Variants in E2F1 observed in about 807,000 individuals in gnomAD.
E2F1 encodes E2F transcription factor 1.
E2F1 carries 7 observed loss-of-function variants against 36.9 expected under a neutral mutation model. That is an observed-to-expected ratio of 0.19 (90% CI 0.11 to 0.36). The LOEUF (loss-of-function observed/expected upper bound fraction) is 0.36. Ranked by LOEUF, E2F1 falls within the 10% of genes least tolerant of loss-of-function variation. The pLI, the probability that E2F1 is intolerant of heterozygous loss-of-function variation, is 1.00. For synonymous variants in E2F1, 261 were observed against 263.1 expected, an observed-to-expected ratio of 0.99 and a Z score of 0.08; for missense variants, 406 against 573.6, an observed-to-expected ratio of 0.71 and a Z score of 2.99.
At chr20:33,680,987 T>C (rs1376729534) in intron 1 of E2F1, among the ~76,000 whole-genome samples, 4 of 152,238 alleles carry the variant, frequency 2.6e-5, no homozygotes, top group Non-Finnish European at 5.9e-5. Context: ...AAGTCTTCCC[T>C]GAATTCCTGA....
chr20:33,684,056 C>T (rs1000518535), intron 1 of E2F1, among the ~76,000 whole-genome samples: 1 of 152,198 alleles, frequency 6.6e-6, no homozygotes, highest in Non-Finnish European at 1.5e-5. Context: ...CTTAAGTACA[C>T]TGGGGGCCAG....
At chr20:33,683,953 A>G (rs932886464) in intron 1 of E2F1, among the ~76,000 whole-genome samples, 6 of 152,328 alleles carry the variant, frequency 3.9e-5, no homozygotes, top group South Asian at 4.1e-4. Flanking sequence ...TATTTCAAGG[A>G]CTGTGCCAGA....
Position 33,680,476 on chromosome 20 carries a change from T to G in E2F1, c.262-60A>C, listed in dbSNP as rs2018007494. The G allele has an allele frequency of 6.6e-6, 10 of 1,504,334 alleles. No homozygotes were observed. In the South Asian group the frequency reaches 1.2e-4, roughly 17 times the overall value. 93.2% of individuals were successfully genotyped at this position (1,504,334 alleles called of 1,614,324 possible). A position where few individuals can be genotyped will look rare whatever the true frequency, so the allele number is the denominator to read the frequency against. The stretch of plus-strand genomic sequence containing the variant: ...GAGTGAGGCCAGAAGAGACCTGGCT[T>G]AAGGCTGGGTGCCTCTGGGCTACCC... On this transcript the variant is annotated intron_variant, in intron 1 of 6. Coordinates refer to ENST00000343380, the MANE Select transcript of E2F1 (RefSeq NM_005225.3).
In E2F1 at chr20:33,685,584, G is replaced by A. The variant is rs2087921873; in HGVS notation, c.261+420C>T. 2.0e-5 allele frequency among the ~76,000 whole-genome samples: 3 copies of A among 152,266 alleles called. No homozygotes were observed. The South Asian group carries it at 6.2e-4, about 32-fold the overall frequency. Reference sequence around the variant, plus strand: ...ACCACCTGCAGCCGTGTGACCAGGGGCAAGTCACTTTCCCTCTCTGGGCCT... The same window carrying A: ...ACCACCTGCAGCCGTGTGACCAGGGACAAGTCACTTTCCCTCTCTGGGCCT... On this transcript the variant is annotated intron_variant, in intron 1 of 6. Coordinates refer to ENST00000343380, the MANE Select transcript of E2F1 (RefSeq NM_005225.3).
rs961718558 is a variant in E2F1 at position 33,686,315 on chromosome 20, G to T, written c.-51C>A. On this transcript the variant is annotated 5_prime_UTR_variant, in exon 1 of 7. Transcript: ENST00000343380. Reference sequence around the variant, plus strand: ...GTGACAGGCGGCGGCGGCGGCGCGGGCCCATGGCGGCAGGCCTCGGCGAGG... The same window carrying T: ...GTGACAGGCGGCGGCGGCGGCGCGGTCCCATGGCGGCAGGCCTCGGCGAGG... 19 of 994,936 alleles carry T rather than the reference G, an allele frequency of 1.9e-5. No homozygotes were observed. Among genetic ancestry groups the T allele is most frequent in the Non-Finnish European group, 2.0e-5 (17 of 837,098 alleles). 61.6% of individuals were successfully genotyped at this position (994,936 alleles called of 1,614,324 possible). A position where few individuals can be genotyped will look rare whatever the true frequency, so the allele number is the denominator to read the frequency against.
At position 33,676,686 on chromosome 20, in the gene E2F1, G is replaced by T; in HGVS notation, c.*46C>A. 1.9e-6 allele frequency: 3 copies of T among 1,548,126 alleles called. No homozygotes were observed. In the South Asian group the frequency reaches 3.7e-5, roughly 19 times the overall value. ...AGGGACAGGGGGCTCCAGGGCTGCA[G>T]AGACAAGGTGAGCATCTCTGGAAAC... On this transcript the variant is annotated 3_prime_UTR_variant, in exon 7 of 7. Coordinates refer to ENST00000343380, the MANE Select transcript of E2F1 (RefSeq NM_005225.3).
intron 2 of E2F1, 101 bp downstream of exon 2, chr20:33,680,225 C>T: frequency 7.5e-7 from 1 of 1,337,034 alleles, no homozygotes; most frequent in Non-Finnish European, 1.0e-6. Context: ...CTGGCTCAAG[C>T]CCGACAAGCC....
rs747187347 is a variant in E2F1 at position 33,676,965 on chromosome 20, G to A, written c.1081C>T (p.Arg361Trp). The A allele has an allele frequency of 9.6e-6, 15 of 1,566,008 alleles. No homozygotes were observed. The highest frequency in any genetic ancestry group is 4.7e-5 in the East Asian group (2 of 42,856). ...ACGGGAGCCCGCAGGCTGCCCATCC[G>A]GGACAACAGCGGTTCTGGGGAGACG... ...LSLEQEPLLS[R>W]MGSLRAPVDE... The change falls in exon 7 of 7, where the codon CGG (arginine) becomes TGG (tryptophan). Residue 361 changes from arginine to tryptophan, a missense_variant. Physicochemically the swap from Arg to Trp is moderately radical, Grantham distance 101 (BLOSUM62 -3). This residue lies in a region of E2F1 where 163 missense variants were observed against 181.5 expected (regional missense o/e 0.90). Coordinates refer to ENST00000343380, the MANE Select transcript of E2F1 (RefSeq NM_005225.3).
Position 33,677,115 on chromosome 20 carries a change from G to A in E2F1, c.1056C>T (p.Ser352=). 1 of 1,613,016 alleles carries A rather than the reference G, an allele frequency of 6.2e-7. No homozygotes were observed. The highest frequency in any genetic ancestry group is 8.5e-7 in the Non-Finnish European group (1 of 1,179,392). The change falls in exon 6 of 7, where the codon AGC becomes AGT. Residue 352 remains serine, a synonymous_variant. Coordinates refer to ENST00000343380, the MANE Select transcript of E2F1 (RefSeq NM_005225.3). ...LTTDPSQSLL[S]LEQEPLLSRM... ...CTACCCATCACCCACCTTGCTCCAG[G>A]CTGAGTAGAGACTGGCTGGGATCTG... is the stretch of plus-strand genomic sequence containing the variant.
In E2F1 at chr20:33,677,143, G is replaced by A. The variant is rs564825532; in HGVS notation, c.1028C>T (p.Thr343Ile). The change falls in exon 6 of 7, where the codon ACC becomes ATC. Residue 343 changes from threonine to isoleucine, a missense_variant. Thr to Ile is a moderately conservative substitution (Grantham distance 89, BLOSUM62 -1). Coordinates refer to ENST00000343380, the MANE Select transcript of E2F1 (RefSeq NM_005225.3). ...GAGTAGAGACTGGCTGGGATCTGTGGTGAGGGATGAGGGGGGAGATGATGG... is the reference window on the plus strand; with the variant it reads ...GAGTAGAGACTGGCTGGGATCTGTGATGAGGGATGAGGGGGGAGATGATGG... ...PPPSSPPSSL[T>I]TDPSQSLLSL... 8.1e-6 allele frequency: 13 copies of A among 1,614,134 alleles called. No individual in the cohort carries two copies. The South Asian group carries it at 1.3e-4, about 16-fold the overall frequency.
intron 1 of E2F1, among the ~76,000 whole-genome samples, chr20:33,682,772 C>G (rs933841006): frequency 6.6e-6 from 1 of 152,234 alleles, no homozygotes; most frequent in African/African-American, 2.4e-5. Flanking sequence ...GTCACGAAAG[C>G]TGTGCTTTGT....
intron 1 of E2F1, among the ~76,000 whole-genome samples, chr20:33,685,433 G>A (rs1469403340): frequency 4.6e-5 from 7 of 152,054 alleles, no homozygotes; most frequent in Non-Finnish European, 1.0e-4. Context: ...CTCCTCAATG[G>A]CTCACCAACG....
intron 1 of E2F1, among the ~76,000 whole-genome samples, chr20:33,681,083 T>C (rs1200401841): frequency 1.3e-5 from 2 of 152,324 alleles, no homozygotes; most frequent in East Asian, 3.9e-4. Flanking sequence ...CTGTTGACTA[T>C]GCTGGAGTGC....
In E2F1 at chr20:33,677,324, G is replaced by C; in HGVS notation, c.847C>G (p.Gln283Glu). Residue 283 changes from glutamine to glutamate, a missense_variant, in exon 6 of 7, where the codon CAG becomes GAG. Around this residue, in one of 5 missense-constraint regions of E2F1, gnomAD observed 93 missense variants for 143.3 expected, o/e 0.65. Coordinates refer to ENST00000343380, the MANE Select transcript of E2F1 (RefSeq NM_005225.3). ...CCTTGTTTGCTCTTAAGGGAGATCT[G>C]AAAGTTCTGGGTGGAAGCAGCAGGC... ...LQAVDSSENF[Q>E]ISLKSKQGPI... 1 of 1,613,274 alleles carries C rather than the reference G, an allele frequency of 6.2e-7. No homozygotes were observed. The highest frequency in any genetic ancestry group is 8.5e-7 in the Non-Finnish European group (1 of 1,179,410).
Position 33,677,089 on chromosome 20 carries a change from C to A in E2F1, c.1066+16G>T. 6.2e-7 allele frequency: 1 copy of A among 1,603,704 alleles called. No individual in the cohort carries two copies. The highest frequency in any genetic ancestry group is 8.5e-7 in the Non-Finnish European group (1 of 1,173,532). On this transcript the variant is annotated intron_variant, in intron 6 of 6. Coordinates refer to ENST00000343380, the MANE Select transcript of E2F1 (RefSeq NM_005225.3). Reference sequence around the variant, plus strand: ...GAGGGGCCCTGCCCCACCCCACCCACCTACCCATCACCCACCTTGCTCCAG... The same window carrying A: ...GAGGGGCCCTGCCCCACCCCACCCAACTACCCATCACCCACCTTGCTCCAG...
At chr20:33,683,568 T>C (rs1202335987) in intron 1 of E2F1, among the ~76,000 whole-genome samples, 1 of 147,218 alleles carries the variant, frequency 6.8e-6, no homozygotes, top group Non-Finnish European at 1.5e-5. Context: ...AACTCAGGAG[T>C]TCAAGACCAG....
Position 33,675,621 on chromosome 20 carries a change from C to T in E2F1, c.*1111G>A, listed in dbSNP as rs532967057. The T allele has an allele frequency of 6.4e-6, 1 of 156,572 alleles. No individual in the cohort carries two copies. The highest frequency in any genetic ancestry group is 1.8e-4 in the East Asian group (1 of 5,540). 9.7% of individuals were successfully genotyped at this position (156,572 alleles called of 1,614,324 possible). Reference sequence around the variant, plus strand: ...AAGGGAAGTGGAGAATGGGCATTTCCCCAGCAACCTTGGCCTCTCCCGCCC... The same window carrying T: ...AAGGGAAGTGGAGAATGGGCATTTCTCCAGCAACCTTGGCCTCTCCCGCCC... On this transcript the variant is annotated 3_prime_UTR_variant, in exon 7 of 7. Transcript: ENST00000343380.
Position 33,676,473 on chromosome 20 carries a change from C to A in E2F1, c.*259G>T, listed in dbSNP as rs935394222. The A allele has an allele frequency of 4.2e-5, 20 of 476,392 alleles. No homozygotes were observed. Among genetic ancestry groups the A allele is most frequent in the Non-Finnish European group, 6.7e-5 (18 of 269,982 alleles). The allele number at this position is 476,392 out of a possible 1,614,324, so 29.5% of individuals were successfully genotyped here. On this transcript the variant is annotated 3_prime_UTR_variant, in exon 7 of 7. Coordinates refer to ENST00000343380, the MANE Select transcript of E2F1 (RefSeq NM_005225.3). Reference sequence around the variant, plus strand: ...TCCCCGGTACATGCACACACACATGCTCACACACATTCACCCCCGGTACAC... The same window carrying A: ...TCCCCGGTACATGCACACACACATGATCACACACATTCACCCCCGGTACAC...
At position 33,676,040 on chromosome 20, in the gene E2F1, G is replaced by C. The variant is rs1361618728; in HGVS notation, c.*692C>G. 2 of 152,662 alleles carry C rather than the reference G, an allele frequency of 1.3e-5. No homozygotes were observed. Among genetic ancestry groups the C allele is most frequent in the African/African-American group, 4.8e-5 (2 of 41,450 alleles). The allele number at this position is 152,662 out of a possible 1,614,324, so 9.5% of individuals were successfully genotyped here. A position where few individuals can be genotyped will look rare whatever the true frequency, so the allele number is the denominator to read the frequency against. On this transcript the variant is annotated 3_prime_UTR_variant, in exon 7 of 7. Transcript: ENST00000343380. ...AATCACCCAGGCCTCAGTTCCTTCA[G>C]TATGGGGCAGAAGAACAGCTCAGGG...
Sources: allele counts gnomAD v4.1 joint callset (sites outside exome capture counted in the v4.1 genomes callset), GRCh38; gene constraint gnomAD v4.1.1; regional missense constraint gnomAD v4.1.1; transcripts MANE v1.5; gene names NCBI Gene and HGNC (gene_info 2026-07-23, HGNC 2026-07-21).